HMGN5: variants seen among roughly 807,000 people sequenced by gnomAD.
HMGN5 encodes the protein high mobility group nucleosome-binding domain-containing protein 5.
In HMGN5, 4 loss-of-function variants were observed where a neutral mutation model predicts 9.5. That is an observed-to-expected ratio of 0.42 (90% CI 0.21 to 0.96). HMGN5 has a LOEUF of 0.96. Among genes scored for constraint, HMGN5 ranks in the 40% least tolerant of loss-of-function variants. The probability of loss-of-function intolerance (pLI) is 0.30; values close to 1 mark genes in which losing one functional copy is unlikely to be tolerated. For missense variants in HMGN5, 192 were observed against 187.5 expected, an observed-to-expected ratio of 1.02 and a Z score of -0.14; for synonymous variants, 55 against 57.1, an observed-to-expected ratio of 0.96 and a Z score of 0.16.
chrX:81,122,368 CACTG>C (rs2075271633), intron 1 of HMGN5, among the ~76,000 whole-genome samples: 1 of 111,775 alleles, frequency 8.9e-6, no homozygotes, highest in African/African-American at 3.3e-5. Context: ...AAATGAAAAA[CACTG>C]AGAATAGATT....
intron 1 of HMGN5, among the ~76,000 whole-genome samples, chrX:81,134,878 G>A (rs1359909179): frequency 9.0e-6 from 1 of 111,234 alleles, no homozygotes; most frequent in Non-Finnish European, 1.9e-5. Flanking sequence ...GCAAAAAATA[G>A]TCTTTTCAAC....
At chrX:81,120,562 G>A (rs774983410) in intron 2 of HMGN5, among the ~76,000 whole-genome samples, 88 of 111,254 alleles carry the variant, frequency 7.9e-4, no homozygotes, top group African/African-American at 2.2e-3. Flanking sequence ...CAGAGCACGG[G>A]GGAATTTCAG....
At chrX:81,152,264 T>C (rs372175507) in intron 1 of HMGN5, among the ~76,000 whole-genome samples, 9 of 110,782 alleles carry the variant, frequency 8.1e-5, no homozygotes, top group East Asian at 2.8e-4. Flanking sequence ...GGGCTAATAT[T>C]CAGAATCTAC....
At chrX:81,126,353 A>T (rs1258962816) in intron 1 of HMGN5, among the ~76,000 whole-genome samples, 1 of 111,230 alleles carries the variant, frequency 9.0e-6, no homozygotes, top group East Asian at 2.8e-4. Flanking sequence ...CTTCAGATAT[A>T]TCTTTTTACT....
Position 81,196,529 on chromosome X carries a change from T to G in HMGN5, c.-124+5208A>C, listed in dbSNP as rs763297290. Among the ~76,000 whole-genome samples the G allele has an allele frequency of 1.8e-4, 18 of 100,366 alleles. No homozygotes were observed. The East Asian group carries it at 3.6e-3, about 20-fold the overall frequency. 87.2% of individuals were successfully genotyped at this position (100,366 alleles called of 115,157 possible). A position where few individuals can be genotyped will look rare whatever the true frequency, so the allele number is the denominator to read the frequency against. On this transcript the variant is annotated intron_variant, in intron 1 of 6. Coordinates refer to ENST00000358130, the MANE Select transcript of HMGN5 (RefSeq NM_030763.3). ...ATGAGTTCTCATGAGATCTCATGGG[T>G]TTTTTTTGTTTGTTTGTTTTTTGTT...
chrX:81,118,419 G>T lies in HMGN5; in HGVS notation c.129+13C>A. On this transcript the variant is annotated intron_variant, in intron 5 of 6. Transcript: ENST00000358130. ...AAGCAAATTTATTTCAATATTCTAC[G>T]TTGAATATTTACCCTTGAACTTGAT... 10 of 1,104,602 alleles carry T rather than the reference G, an allele frequency of 9.1e-6. No individual in the cohort carries two copies. The highest frequency in any genetic ancestry group is 1.2e-5 in the Non-Finnish European group (10 of 817,512). The allele number at this position is 1,104,602 out of a possible 1,213,427, so 91.0% of individuals were successfully genotyped here.
chrX:81,186,707 C>A (rs982450131), intron 1 of HMGN5, among the ~76,000 whole-genome samples: 3 of 110,551 alleles, frequency 2.7e-5, no homozygotes, highest in African/African-American at 9.8e-5. Flanking sequence ...TTTTTGGGTA[C>A]ATAGTAGGTG....
intron 1 of HMGN5, among the ~76,000 whole-genome samples, chrX:81,123,406 G>A (rs2075274537): frequency 9.0e-6 from 1 of 111,382 alleles, no homozygotes. Context: ...CAGTTATTGG[G>A]ATAATCCCTA....
In HMGN5 at chrX:81,132,221, A is replaced by G. The variant is rs771948424; in HGVS notation, c.-123-10549T>C. 4.5e-5 allele frequency among the ~76,000 whole-genome samples: 5 copies of G among 111,642 alleles called. No individual in the cohort carries two copies. The East Asian group carries it at 1.4e-3, about 31-fold the overall frequency. ...CTCAAAGAAATCAGAGATGAAACGAACAAATGGAAAAACACCCCATGATCA... is the reference window on the plus strand; with the variant it reads ...CTCAAAGAAATCAGAGATGAAACGAGCAAATGGAAAAACACCCCATGATCA... On this transcript the variant is annotated intron_variant, in intron 1 of 6. Transcript: ENST00000358130.
intron 1 of HMGN5, among the ~76,000 whole-genome samples, chrX:81,142,207 A>C (rs2075331717): frequency 8.9e-6 from 1 of 112,012 alleles, no homozygotes; most frequent in South Asian, 3.7e-4. Context: ...GCACATCCTC[A>C]GGATCTAGAA....
At position 81,133,638 on chromosome X, in the gene HMGN5, A is replaced by G. The variant is rs189740743; in HGVS notation, c.-123-11966T>C. Reference sequence around the variant, plus strand: ...AACCAAATACCACATGTTCTCACTTATACGTGGGAGCTAAATGATGAGAAC... The same window carrying G: ...AACCAAATACCACATGTTCTCACTTGTACGTGGGAGCTAAATGATGAGAAC... On this transcript the variant is annotated intron_variant, in intron 1 of 6. Transcript: ENST00000358130. 1.7e-4 allele frequency among the ~76,000 whole-genome samples: 19 copies of G among 111,425 alleles called. No individual in the cohort carries two copies. In the East Asian group the frequency reaches 5.3e-3, roughly 31 times the overall value.
intron 1 of HMGN5, among the ~76,000 whole-genome samples, chrX:81,146,092 A>G: frequency 9.0e-6 from 1 of 111,258 alleles, no homozygotes; most frequent in Non-Finnish European, 1.9e-5. Context: ...AGACAGATCA[A>G]TGAGACAGAA....
intron 1 of HMGN5, among the ~76,000 whole-genome samples, chrX:81,197,214 C>T (rs780519312): frequency 3.6e-5 from 4 of 111,950 alleles, no homozygotes; most frequent in East Asian, 5.6e-4. Flanking sequence ...AAAATATGCT[C>T]GACAGTGATT....
At chrX:81,143,069 C>T (rs1020385828) in intron 1 of HMGN5, among the ~76,000 whole-genome samples, 3 of 109,653 alleles carry the variant, frequency 2.7e-5, no homozygotes, top group South Asian at 7.9e-4. Context: ...CAGCTTAAAG[C>T]GATTGGATAT....
intron 1 of HMGN5, among the ~76,000 whole-genome samples, chrX:81,179,097 A>G (rs1218634770): frequency 8.9e-6 from 1 of 111,930 alleles, no homozygotes; most frequent in Non-Finnish European, 1.9e-5. Context: ...CCAATATAAT[A>G]CTGAATGGAC....
chrX:81,146,582 A>G (rs1016703059), intron 1 of HMGN5, among the ~76,000 whole-genome samples: 3 of 111,979 alleles, frequency 2.7e-5, no homozygotes, highest in Non-Finnish European at 5.6e-5. Flanking sequence ...ATCACAACTA[A>G]AAGAACAAAA....
intron 1 of HMGN5, among the ~76,000 whole-genome samples, chrX:81,172,082 T>C (rs1210348029): frequency 9.1e-6 from 1 of 109,844 alleles, no homozygotes; most frequent in Non-Finnish European, 1.9e-5. Flanking sequence ...CATCTTTCTT[T>C]CCCTAAAAAA....
At chrX:81,129,638 A>G (rs143318279) in intron 1 of HMGN5, among the ~76,000 whole-genome samples, 3,441 of 111,576 alleles carry the variant, frequency 0.031, 49 homozygotes, top group Middle Eastern at 0.093. Context: ...ACTTCTCTTT[A>G]TAAATTATAT....
chrX:81,143,063 T>C (rs1341924844), intron 1 of HMGN5, among the ~76,000 whole-genome samples: 1 of 111,287 alleles, frequency 9.0e-6, no homozygotes, highest in Admixed American at 9.6e-5. Context: ...TATTATCAGC[T>C]TAAAGCGATT....
Sources: allele counts gnomAD v4.1 joint callset (sites outside exome capture counted in the v4.1 genomes callset), GRCh38; gene constraint gnomAD v4.1.1; transcripts MANE v1.5; gene names NCBI Gene and HGNC (gene_info 2026-07-23, HGNC 2026-07-21).